The following CFAP52 variants were observed in gnomAD, a reference collection of about 807,000 sequenced individuals.
CFAP52 encodes cilia and flagella associated protein 52.
Under a neutral mutation model 70.5 loss-of-function variants are expected in CFAP52, and 57 were observed. That is an observed-to-expected ratio of 0.81 (90% CI 0.65 to 1.01). CFAP52 has a LOEUF of 1.01. Ranked by LOEUF, CFAP52 falls within the 50% of genes least tolerant of loss-of-function variation. The pLI is 0.00. For synonymous variants in CFAP52, 267 were observed against 292.5 expected (o/e 0.91, Z 0.89); for missense variants, 785 against 788.5 (o/e 1.00, Z 0.05).
At chr17:9,596,952 A>G (rs1262661141) in intron 4 of CFAP52, among the ~76,000 whole-genome samples, 2 of 152,084 alleles carry the variant, frequency 1.3e-5, no homozygotes, top group Non-Finnish European at 2.9e-5. Context: ...TCCTGACCTC[A>G]GGTGATCCAC....
chr17:9,631,056 A>AAGAAAGAAAGAAAGAAAG (rs1910501183), intron 9 of CFAP52, among the ~76,000 whole-genome samples: 1 of 70,876 alleles, frequency 1.4e-5, no homozygotes, highest in African/African-American at 6.9e-5. Flanking sequence ...GAGAGAGAGA[A>AAGAAAGAAAGAAAGAAAG]AGAAAGAAAG....
intron 1 of CFAP52, among the ~76,000 whole-genome samples, chr17:9,582,077 G>T (rs562751919): frequency 1.3e-5 from 2 of 152,242 alleles, no homozygotes; most frequent in East Asian, 3.8e-4. Flanking sequence ...TTGCAACCAA[G>T]AACCATAATT....
intron 6 of CFAP52, among the ~76,000 whole-genome samples, chr17:9,603,538 G>GAAGAC (rs1470943715): frequency 1.3e-5 from 2 of 152,190 alleles, no homozygotes; most frequent in Non-Finnish European, 2.9e-5. Flanking sequence ...TCATGGATAG[G>GAAGAC]AAGACTCAGT....
At chr17:9,590,351 C>A in intron 3 of CFAP52, 1 of 186,022 alleles carries the variant, frequency 5.4e-6, no homozygotes, top group South Asian at 1.2e-4. Flanking sequence ...CATCTTTGAT[C>A]AGCTTCCAGA....
intron 7 of CFAP52, among the ~76,000 whole-genome samples, chr17:9,610,701 AT>A (rs202195834): frequency 4.0e-5 from 6 of 151,032 alleles, no homozygotes; most frequent in East Asian, 3.9e-4. Context: ...AGCCCAGCTA[AT>A]TTTTTTTTGT....
chr17:9,604,394 C>T (rs551357433), intron 6 of CFAP52, among the ~76,000 whole-genome samples: 3 of 152,114 alleles, frequency 2.0e-5, no homozygotes, highest in African/African-American at 7.2e-5. Flanking sequence ...GGACTGTTAC[C>T]CAAAATATAC....
In CFAP52 at chr17:9,630,709, C is replaced by T. The variant is rs972126353; in HGVS notation, c.1174+1889C>T. Among the ~76,000 whole-genome samples, 4 of 151,372 alleles carry T rather than the reference C, an allele frequency of 2.6e-5. No individual in the cohort carries two copies. In the East Asian group the frequency reaches 8.2e-4, roughly 31 times the overall value. Reference sequence around the variant, plus strand: ...TCTCCCAAAGTGCTGGGATTACAGGCGTGAGCCACTGCGCCCTGCCCGATT... The same window carrying T: ...TCTCCCAAAGTGCTGGGATTACAGGTGTGAGCCACTGCGCCCTGCCCGATT... On this transcript the variant is annotated intron_variant, in intron 9 of 13. Coordinates refer to ENST00000352665, the MANE Select transcript of CFAP52 (RefSeq NM_145054.5).
intron 8 of CFAP52, among the ~76,000 whole-genome samples, chr17:9,623,259 C>T (rs1321168348): frequency 6.6e-6 from 1 of 152,104 alleles, no homozygotes; most frequent in Admixed American, 6.5e-5. Context: ...TTACAGCTTT[C>T]TTATGCTTAC....
chr17:9,586,060 T>C, intron 2 of CFAP52, 88 bp downstream of exon 2: 1 of 1,330,444 alleles, frequency 7.5e-7, no homozygotes, highest in Non-Finnish European at 1.1e-6. Context: ...TAGTTCTATG[T>C]GGCAATGTGC....
At chr17:9,645,368 A>G (rs1911284088), downstream of CFAP52, 1 of 252,594 alleles carries the variant, frequency 4.0e-6, no homozygotes, top group Non-Finnish European at 7.4e-6. This position sits in a 1 kb window ranked among gnomAD's most constrained non-coding sequence, Gnocchi z 6.8. Flanking sequence ...GAATCCGACC[A>G]CGAAGACTCC....
In CFAP52 at chr17:9,628,725, A is replaced by G. The variant is rs1279142706; in HGVS notation, c.1079A>G (p.His360Arg). The G allele has an allele frequency of 6.2e-7, 1 of 1,614,178 alleles. No homozygotes were observed. The highest frequency in any genetic ancestry group is 8.5e-7 in the Non-Finnish European group (1 of 1,180,040). Reference sequence around the variant, plus strand: ...GCCAAGAAGGATATCAGGGTGTGGCACACATCATCCAACAGGGAGCTGCTG... The same window carrying G: ...GCCAAGAAGGATATCAGGGTGTGGCGCACATCATCCAACAGGGAGCTGCTG... Reference protein sequence around the residue: ...TCAKKDIRVWHTSSNRELLRI... With the variant: ...TCAKKDIRVWRTSSNRELLRI... Residue 360 changes from histidine (H) to arginine (R), a missense_variant, in exon 9 of 14, where the codon CAC becomes CGC. By Grantham distance (29) the His-to-Arg change is conservative (BLOSUM62 0). Transcript: ENST00000352665.
In CFAP52 at chr17:9,598,279, C is replaced by A; in HGVS notation, c.582C>A (p.Ile194=). ...AATTGGATCTTCCAAATAGAAAAAT[C>A]TGGCCAACTGAGTGCCAAACAGGAC... The part of the protein sequence containing the change: ...VWELDLPNRK[I]WPTECQTGQL... Residue 194 remains isoleucine, a synonymous_variant, in exon 5 of 14, where the codon ATC becomes ATA. Transcript: ENST00000352665. 6.2e-7 allele frequency: 1 copy of A among 1,610,880 alleles called. No homozygotes were observed. Among genetic ancestry groups the A allele is most frequent in the East Asian group, 2.2e-5 (1 of 44,634 alleles).
intron 1 of CFAP52, among the ~76,000 whole-genome samples, chr17:9,582,503 A>G (rs1908269879): frequency 6.6e-6 from 1 of 152,206 alleles, no homozygotes; most frequent in South Asian, 2.1e-4. Flanking sequence ...ATTGAGAAGC[A>G]TATGTTTTCC....
chr17:9,626,831 T>C (rs1168385439), intron 8 of CFAP52, among the ~76,000 whole-genome samples: 1 of 152,184 alleles, frequency 6.6e-6, no homozygotes, highest in Non-Finnish European at 1.5e-5. Flanking sequence ...ATTAAATGTG[T>C]GGAAGGGATC....
chr17:9,634,620 C>T (rs1419042580), intron 10 of CFAP52, among the ~76,000 whole-genome samples: 1 of 151,862 alleles, frequency 6.6e-6, no homozygotes, highest in Non-Finnish European at 1.5e-5. Context: ...AAAAATTAGC[C>T]AGGTGTGGTG....
At chr17:9,596,089 A>G (rs1266565349) in intron 4 of CFAP52, among the ~76,000 whole-genome samples, 19 of 139,632 alleles carry the variant, frequency 1.4e-4, no homozygotes, top group East Asian at 8.7e-4. Flanking sequence ...ATATATATAT[A>G]TATATATATA....
At chr17:9,590,994 G>A (rs921198474) in intron 3 of CFAP52, among the ~76,000 whole-genome samples, 2 of 144,758 alleles carry the variant, frequency 1.4e-5, no homozygotes, top group African/African-American at 2.5e-5. Context: ...AAGGGAAGCT[G>A]CCAATTATAG....
At chr17:9,636,234 A>AGAAG (rs1910793723) in intron 11 of CFAP52, among the ~76,000 whole-genome samples, 1 of 147,624 alleles carries the variant, frequency 6.8e-6, no homozygotes, top group Non-Finnish European at 1.5e-5. Context: ...AAAGAAAGAA[A>AGAAG]GAAAGAAAGA....
At chr17:9,635,312 A>T in intron 10 of CFAP52, 93 bp from the exon 11 acceptor site, 1 of 1,537,818 alleles carries the variant, frequency 6.5e-7, no homozygotes, top group Admixed American at 2.0e-5. Context: ...ACACAAATCA[A>T]GCATAGCAAA....
Sources: allele counts gnomAD v4.1 joint callset (sites outside exome capture counted in the v4.1 genomes callset), GRCh38; gene constraint gnomAD v4.1.1; non-coding constraint Gnocchi (gnomAD v3.1); transcripts MANE v1.5; gene names NCBI Gene and HGNC (gene_info 2026-07-23, HGNC 2026-07-21).